The following BABAM2 variants were observed in gnomAD, a reference collection of about 807,000 sequenced individuals.
BABAM2 encodes BRISC and BRCA1-A complex member 2.
BABAM2 carries 31 observed loss-of-function variants against 54.7 expected under a neutral mutation model. That is an observed-to-expected ratio of 0.57 (90% CI 0.43 to 0.77). The LOEUF (loss-of-function observed/expected upper bound fraction) is 0.77, where lower values mean the gene tolerates loss of function less well. BABAM2 is among the 30% of genes least tolerant of loss of function. The probability of loss-of-function intolerance (pLI) is 0.00; values close to 1 mark genes in which losing one functional copy is unlikely to be tolerated. For missense variants in BABAM2, 364 were observed against 455.8 expected (o/e 0.80, Z 1.83); for synonymous variants, 167 against 162.9 (o/e 1.03, Z -0.19).
intron 3 of BABAM2, among the ~76,000 whole-genome samples, chr2:27,985,741 G>C (rs995580072): frequency 2.6e-5 from 4 of 152,128 alleles, no homozygotes; most frequent in African/African-American, 9.7e-5. Context: ...TTGTGGCTCT[G>C]GGTCTATGTC....
intron 5 of BABAM2, among the ~76,000 whole-genome samples, chr2:28,043,002 G>T (rs78327509): frequency 1.3e-5 from 2 of 151,048 alleles, no homozygotes; most frequent in Non-Finnish European, 3.0e-5. Flanking sequence ...CCAGCCTGGG[G>T]GACAGAGTGA....
At chr2:28,073,746 T>C (rs1664384274) in intron 6 of BABAM2, among the ~76,000 whole-genome samples, 1 of 152,144 alleles carries the variant, frequency 6.6e-6, no homozygotes, top group South Asian at 2.1e-4. Context: ...AAAGATTGTA[T>C]AGGATTCTGG....
intron 3 of BABAM2, among the ~76,000 whole-genome samples, chr2:27,967,112 G>T (rs2148442689): frequency 6.6e-6 from 1 of 152,248 alleles, no homozygotes; most frequent in East Asian, 1.9e-4. Flanking sequence ...CCTTTGTTTG[G>T]TTCCTGAAAC....
intron 11 of BABAM2, among the ~76,000 whole-genome samples, chr2:28,338,074 C>T (rs1163970638): frequency 2.0e-5 from 3 of 152,214 alleles, no homozygotes; most frequent in Non-Finnish European, 4.4e-5. Flanking sequence ...ATGCAACCTT[C>T]CTGATACTCT....
intron 6 of BABAM2, among the ~76,000 whole-genome samples, chr2:28,126,964 T>C (rs1215519464): frequency 1.3e-5 from 2 of 150,822 alleles, no homozygotes; most frequent in African/African-American, 4.9e-5. Context: ...TCTGTTCATG[T>C]CCTTCGCCCA....
At position 28,058,891 on chromosome 2, in the gene BABAM2, G is replaced by T. The variant is rs144676326; in HGVS notation, c.570+13092G>T. Among the ~76,000 whole-genome samples, 1,233 of 152,180 alleles carry T rather than the reference G, an allele frequency of 8.1e-3. 11 individuals are homozygous for T. Among genetic ancestry groups the T allele is most frequent in the Middle Eastern group, 0.031 (9 of 294 alleles). ...TTTACAAATCCATCAGTTGGTGATG[G>T]ATTAGAGAGAAACAAACAACAACGG... is the stretch of plus-strand genomic sequence containing the variant. On this transcript the variant is annotated intron_variant, in intron 6 of 11. Coordinates refer to ENST00000379624, the MANE Select transcript of BABAM2 (RefSeq NM_199191.3).
intron 6 of BABAM2, among the ~76,000 whole-genome samples, chr2:28,046,466 C>CA (rs956009826): frequency 2.6e-5 from 4 of 151,898 alleles, no homozygotes; most frequent in African/African-American, 4.8e-5. Context: ...TCTCAAAAAA[C>CA]AAAAAACAAC....
chr2:28,318,143 TC>T (rs1290692012), intron 11 of BABAM2, among the ~76,000 whole-genome samples: 1 of 152,180 alleles, frequency 6.6e-6, no homozygotes, highest in African/African-American at 2.4e-5. Context: ...TCTCTGTTCC[TC>T]CCACCAAGCC....
intron 3 of BABAM2, among the ~76,000 whole-genome samples, chr2:27,965,502 C>T (rs1410574654): frequency 6.6e-6 from 1 of 152,070 alleles, no homozygotes; most frequent in African/African-American, 2.4e-5. Context: ...AGCGTCATAT[C>T]GTGTCATCCA....
At chr2:28,254,271 G>A (rs553062841) in intron 10 of BABAM2, among the ~76,000 whole-genome samples, 4 of 152,198 alleles carry the variant, frequency 2.6e-5, no homozygotes, top group Non-Finnish European at 5.9e-5. Flanking sequence ...CAAGTATCTG[G>A]GACTACAGGC....
chr2:28,241,581 A>T (rs1254216615), intron 9 of BABAM2, among the ~76,000 whole-genome samples, 188 bp downstream of exon 9: 1 of 151,312 alleles, frequency 6.6e-6, no homozygotes, highest in Non-Finnish European at 1.5e-5. Flanking sequence ...TGCAACCTCC[A>T]CTTCCCGAGT....
chr2:28,045,857 A>C (rs1677516355), intron 6 of BABAM2, 58 bp downstream of exon 6: 1 of 1,329,904 alleles, frequency 7.5e-7, no homozygotes, highest in Non-Finnish European at 1.1e-6. Flanking sequence ...GTAATTATTT[A>C]ACTCAATATT....
chr2:28,077,679 A>C (rs1200914912), intron 6 of BABAM2, among the ~76,000 whole-genome samples: 1 of 152,030 alleles, frequency 6.6e-6, no homozygotes, highest in South Asian at 2.1e-4. Flanking sequence ...GTTTGATCCT[A>C]TCTCTTTATT....
At chr2:28,105,586 C>A (rs1051653412) in intron 6 of BABAM2, among the ~76,000 whole-genome samples, 12 of 152,130 alleles carry the variant, frequency 7.9e-5, no homozygotes, top group Non-Finnish European at 1.8e-4. Flanking sequence ...GAGAAAAGTT[C>A]AAATCTTCAA....
chr2:28,311,047 G>A (rs868729018), intron 11 of BABAM2, among the ~76,000 whole-genome samples: 3 of 152,106 alleles, frequency 2.0e-5, no homozygotes, highest in African/African-American at 7.2e-5. Flanking sequence ...GGATCACAAG[G>A]TCAGGAGATC....
chr2:28,237,428 C>T, intron 8 of BABAM2, 127 bp downstream of exon 8: 2 of 729,812 alleles, frequency 2.7e-6, no homozygotes, highest in Non-Finnish European at 4.7e-6. Context: ...CCATCTGACA[C>T]CTGCCCTTCC....
At chr2:28,289,955 A>G (rs1035700970) in intron 10 of BABAM2, among the ~76,000 whole-genome samples, 2 of 151,928 alleles carry the variant, frequency 1.3e-5, no homozygotes, top group Non-Finnish European at 2.9e-5. Context: ...TTCCCCACCC[A>G]CAGAGGTAAC....
At chr2:28,015,691 GA>G (rs1316186771) in intron 4 of BABAM2, 2 of 914,242 alleles carry the variant, frequency 2.2e-6, no homozygotes, top group African/African-American at 3.6e-5. Context: ...TTTCACAGTT[GA>G]AATTTCCTCA....
At chr2:28,144,104 G>T (rs1197240883) in intron 7 of BABAM2, among the ~76,000 whole-genome samples, 1 of 152,164 alleles carries the variant, frequency 6.6e-6, no homozygotes, top group Non-Finnish European at 1.5e-5. Flanking sequence ...CAGTTTCTTT[G>T]TCTAGAACCC....
Sources: allele counts gnomAD v4.1 joint callset (sites outside exome capture counted in the v4.1 genomes callset), GRCh38; gene constraint gnomAD v4.1.1; transcripts MANE v1.5; gene names NCBI Gene and HGNC (gene_info 2026-07-23, HGNC 2026-07-21).